Variants in GNAQ observed in about 807,000 individuals in gnomAD.
GNAQ encodes the protein guanine nucleotide-binding protein G(q) subunit alpha.
Under a neutral mutation model 43.9 loss-of-function variants are expected in GNAQ, and 8 were observed. The ratio of observed to expected loss-of-function variants is 0.18; its 90% CI spans 0.11 to 0.33. GNAQ has a LOEUF of 0.33. Ranked by LOEUF, GNAQ falls within the 10% of genes least tolerant of loss-of-function variation. GNAQ has a pLI of 1.00. For missense variants in GNAQ, 158 were observed against 450.8 expected (o/e 0.35, Z 5.88); for synonymous variants, 155 against 170.7 (o/e 0.91, Z 0.71).
intron 2 of GNAQ, among the ~76,000 whole-genome samples, chr9:77,855,430 C>T (rs780457733): frequency 2.6e-5 from 4 of 151,968 alleles, no homozygotes; most frequent in African/African-American, 4.8e-5. Flanking sequence ...TGTTTTAAAT[C>T]GCAGTTCCCC....
chr9:77,922,460 G>T, intron 1 of GNAQ, 115 bp from the exon 2 acceptor site: 1 of 698,638 alleles, frequency 1.4e-6, no homozygotes, highest in Non-Finnish European at 2.5e-6. Flanking sequence ...GCTGAGAGGA[G>T]CGACTCTAGA....
intron 1 of GNAQ, among the ~76,000 whole-genome samples, chr9:78,007,286 CTT>C (rs778222055): frequency 1.5e-5 from 2 of 136,970 alleles, no homozygotes; most frequent in Non-Finnish European, 1.6e-5. Context: ...AATCTAAAAG[CTT>C]TTTTTTTTTT....
chr9:77,837,152 C>T (rs747194347), intron 2 of GNAQ, among the ~76,000 whole-genome samples: 3 of 152,042 alleles, frequency 2.0e-5, no homozygotes, highest in East Asian at 1.9e-4. Context: ...TATATATTTA[C>T]ATGGAAAGAC....
At chr9:77,970,919 G>A (rs992736940) in intron 1 of GNAQ, among the ~76,000 whole-genome samples, 22 of 152,004 alleles carry the variant, frequency 1.4e-4, no homozygotes, top group African/African-American at 5.1e-4. Context: ...GAACCAAATC[G>A]ATGCAACAAA....
chr9:77,835,725 G>A (rs1384227599), intron 2 of GNAQ, among the ~76,000 whole-genome samples: 3 of 152,170 alleles, frequency 2.0e-5, no homozygotes, highest in Non-Finnish European at 4.4e-5. Context: ...GTGGGGCATA[G>A]GAGGACTGAT....
At chr9:77,730,974 A>G (rs995549386) in intron 5 of GNAQ, among the ~76,000 whole-genome samples, 7 of 152,224 alleles carry the variant, frequency 4.6e-5, no homozygotes, top group African/African-American at 9.6e-5. Context: ...CCCCTTACTT[A>G]TAACTAGAGA....
At chr9:77,949,466 C>T (rs556726248) in intron 1 of GNAQ, among the ~76,000 whole-genome samples, 1 of 152,266 alleles carries the variant, frequency 6.6e-6, no homozygotes, top group African/African-American at 2.4e-5. Context: ...AGAGGGCTCC[C>T]AGCAAATATG....
chr9:77,818,655 A>G (rs1447002006), intron 2 of GNAQ, among the ~76,000 whole-genome samples: 3 of 152,216 alleles, frequency 2.0e-5, no homozygotes, highest in Non-Finnish European at 2.9e-5. Context: ...ATTACAAGTA[A>G]CAAGTCAATT....
intron 1 of GNAQ, among the ~76,000 whole-genome samples, chr9:77,964,220 A>G (rs771036849): frequency 8.5e-5 from 13 of 152,240 alleles, no homozygotes; most frequent in Non-Finnish European, 1.5e-4. Flanking sequence ...TCGAAAGGAC[A>G]TAACAATCCT....
intron 2 of GNAQ, among the ~76,000 whole-genome samples, chr9:77,865,684 T>C (rs1020428835): frequency 3.9e-4 from 59 of 152,212 alleles, no homozygotes; most frequent in African/African-American, 1.4e-3. Context: ...ACAGTCTCTC[T>C]GTCCCGTGGC....
At position 77,947,983 on chromosome 9, in the gene GNAQ, T is replaced by C. The variant is rs975373970; in HGVS notation, c.137-25638A>G. Among the ~76,000 whole-genome samples the C allele has an allele frequency of 5.9e-5, 9 of 152,286 alleles. No homozygotes were observed. In the South Asian group the frequency reaches 8.3e-4, roughly 14 times the overall value. ...GAAGAAAATAGGAGCACCTACTTCA[T>C]AGGGTGGTTCTTGAGGATTAAATGA... On this transcript the variant is annotated intron_variant, in intron 1 of 6. Coordinates refer to ENST00000286548, the MANE Select transcript of GNAQ (RefSeq NM_002072.5).
chr9:77,816,568 A>G (rs1210862017), intron 2 of GNAQ, among the ~76,000 whole-genome samples: 1 of 152,204 alleles, frequency 6.6e-6, no homozygotes, highest in East Asian at 1.9e-4. Flanking sequence ...AACAATCCAA[A>G]TCAAACTAAG....
At chr9:77,770,754 C>G (rs1826211197) in intron 5 of GNAQ, among the ~76,000 whole-genome samples, 1 of 152,134 alleles carries the variant, frequency 6.6e-6, no homozygotes, top group Non-Finnish European at 1.5e-5. Context: ...GACCTCTGGT[C>G]ACTTTAGTGA....
chr9:78,028,795 T>C (rs939607007), intron 1 of GNAQ, among the ~76,000 whole-genome samples: 9 of 152,138 alleles, frequency 5.9e-5, no homozygotes, highest in Non-Finnish European at 1.3e-4. Context: ...CTTGTTGAAA[T>C]CAACCGTCCT....
At chr9:77,751,991 T>G (rs1564099627) in intron 5 of GNAQ, among the ~76,000 whole-genome samples, 1 of 152,244 alleles carries the variant, frequency 6.6e-6, no homozygotes. Flanking sequence ...ATGTTCAGGC[T>G]GTGTGATAGA....
intron 3 of GNAQ, among the ~76,000 whole-genome samples, chr9:77,800,463 T>C (rs1466655419): frequency 6.6e-6 from 1 of 151,866 alleles, no homozygotes; most frequent in Non-Finnish European, 1.5e-5. Context: ...CTCAGTAAAC[T>C]ATCGCAAGAA....
chr9:77,869,155 G>A (rs1827996437), intron 2 of GNAQ, among the ~76,000 whole-genome samples: 1 of 151,792 alleles, frequency 6.6e-6, no homozygotes, highest in African/African-American at 2.4e-5. Context: ...CACTAACCAT[G>A]TAAGTAATTA....
intron 2 of GNAQ, among the ~76,000 whole-genome samples, chr9:77,836,663 C>A (rs577539676): frequency 6.6e-6 from 1 of 152,034 alleles, no homozygotes; most frequent in African/African-American, 2.4e-5. Flanking sequence ...AACAAAACCA[C>A]AAGATGTTTA....
At chr9:77,905,825 C>T (rs536307709) in intron 2 of GNAQ, among the ~76,000 whole-genome samples, 16 of 152,270 alleles carry the variant, frequency 1.1e-4, no homozygotes, top group Non-Finnish European at 1.5e-4. Flanking sequence ...CAAACTAACA[C>T]AGGAACAGAA....
Sources: gnomAD v4.1 joint callset for allele counts (sites outside exome capture counted in the v4.1 genomes callset) on GRCh38, gnomAD v4.1.1 for gene constraint, MANE v1.5 for transcripts, NCBI Gene and HGNC (gene_info 2026-07-23, HGNC 2026-07-21) for gene names.